Variants in BRWD3 observed in about 807,000 individuals in gnomAD.
BRWD3 encodes bromodomain and WD repeat domain containing 3, also known as bromodomain and WD repeat-containing protein 3.
In BRWD3, 10 loss-of-function variants were observed where a neutral mutation model predicts 149.7. The ratio of observed to expected loss-of-function variants is 0.07; its 90% CI spans 0.04 to 0.11. The LOEUF (loss-of-function observed/expected upper bound fraction) is 0.11, where lower values mean the gene tolerates loss of function less well. Among genes scored for constraint, BRWD3 ranks in the 10% least tolerant of loss-of-function variants. The pLI, the probability that BRWD3 is intolerant of heterozygous loss-of-function variation, is 1.00. For missense variants in BRWD3, 940 were observed against 1,373.2 expected, an observed-to-expected ratio of 0.68 and a Z score of 4.99; for synonymous variants, 504 against 456.7, an observed-to-expected ratio of 1.10 and a Z score of -1.32.
intron 40 of BRWD3, among the ~76,000 whole-genome samples, chrX:80,680,911 G>A (rs914615178): frequency 9.3e-6 from 1 of 107,160 alleles, no homozygotes; most frequent in Non-Finnish European, 1.9e-5. Context: ...TGGCTAAAGC[G>A]CTCCTCCCAC....
In BRWD3 at chrX:80,716,245, T is replaced by A; in HGVS notation, c.2237A>T (p.Gln746Leu). The A allele has an allele frequency of 8.4e-7, 1 of 1,194,413 alleles. No homozygotes were observed. Among genetic ancestry groups the A allele is most frequent in the Non-Finnish European group, 1.1e-6 (1 of 879,850 alleles). The change falls in exon 20 of 41, where the codon CAG (glutamine) becomes CTG (leucine). Residue 746 changes from glutamine (Q) to leucine (L), a missense_variant. Gln to Leu is a moderately radical substitution (Grantham distance 113). Transcript: ENST00000373275. ...NELNNGVSRV[Q>L]EECRTAKGDI... ...ACCTTTTGCAGTTCGACATTCTTCC[T>A]GTACCCTAATAACAAGTCAAAGGTC...
intron 20 of BRWD3, among the ~76,000 whole-genome samples, chrX:80,712,913 C>T (rs2073006971): frequency 1.0e-5 from 1 of 96,090 alleles, no homozygotes; most frequent in Non-Finnish European, 2.3e-5. Flanking sequence ...CTCCGCCCGG[C>T]AGCCGCCCCG....
At chrX:80,808,629 CGGAGG>C in intron 3 of BRWD3, 31 bp from the exon 4 acceptor site, 1 of 1,186,056 alleles carries the variant, frequency 8.4e-7, no homozygotes, top group Non-Finnish European at 1.1e-6. Flanking sequence ...AAGGGGGAAG[CGGAGG>C]CAAATGATGA....
rs776958729 is a variant in BRWD3, at chrX:80,716,182, T to G, written c.2300A>C (p.Lys767Thr). The change falls in exon 20 of 41, where the codon AAA (lysine) becomes ACA (threonine). Residue 767 changes from lysine to threonine, a missense_variant. Physicochemically the swap from Lys to Thr is moderately conservative, Grantham distance 78. Coordinates refer to ENST00000373275, the MANE Select transcript of BRWD3 (RefSeq NM_153252.5). ...EISLYTVEKK[K>T]KPSYTTQRND... ...CCTTTGAGTAGTGTAAGATGGCTTT[T>G]TCTTCTTTTCAACTGTATAAAGACT... 5.0e-6 allele frequency: 6 copies of G among 1,207,310 alleles called. No homozygotes were observed. The highest frequency in any genetic ancestry group is 6.7e-6 in the Non-Finnish European group (6 of 893,053).
intron 4 of BRWD3, among the ~76,000 whole-genome samples, chrX:80,794,751 T>C (rs753479341): frequency 9.0e-6 from 1 of 110,717 alleles, no homozygotes; most frequent in Non-Finnish European, 1.9e-5. Flanking sequence ...TGCTTAGCTG[T>C]TAATCTTATG....
rs2072308116 is a variant in BRWD3, at chrX:80,669,639, G to C, written c.*6970C>G. On this transcript the variant is annotated 3_prime_UTR_variant, in exon 41 of 41. Transcript: ENST00000373275. ...TTTTTTTAAAAGCCAAGGGAGGAGG[G>C]AACACGTTAGCAGTTTCCTTGACTT... Among the ~76,000 whole-genome samples, 1 of 110,707 alleles carries C rather than the reference G, an allele frequency of 9.0e-6. No homozygotes were observed. The highest frequency in any genetic ancestry group is 3.8e-4 in the South Asian group (1 of 2,635).
At chrX:80,789,637 A>G (rs1465012733) in intron 6 of BRWD3, among the ~76,000 whole-genome samples, 1 of 110,353 alleles carries the variant, frequency 9.1e-6, no homozygotes. Context: ...CGGCCTCCCA[A>G]AGTGCTGGGA....
Position 80,677,231 on chromosome X carries a change from T to A in BRWD3, c.4787A>T (p.Lys1596Ile). Residue 1596 changes from lysine to isoleucine, a missense_variant, in exon 41 of 41, where the codon AAA becomes ATA. Transcript: ENST00000373275. ...TGAGGTGGATAAATGAGATTTCTCT[T>A]TTGTTTCTTTTTTCTCTTTATCTTC... is the stretch of plus-strand genomic sequence containing the variant. The part of the protein sequence containing the change: ...GGEDKEKKET[K>I]EKSHLSTSES... 8.3e-7 allele frequency: 1 copy of A among 1,210,108 alleles called. No homozygotes were observed. Among genetic ancestry groups the A allele is most frequent in the East Asian group, 3.0e-5 (1 of 33,787 alleles).
chrX:80,701,099 C>A (rs963982899), intron 24 of BRWD3, among the ~76,000 whole-genome samples: 7 of 111,199 alleles, frequency 6.3e-5, no homozygotes, highest in Non-Finnish European at 1.1e-4. Context: ...AATTTCAAGA[C>A]AAATTAAAAG....
chrX:80,801,991 C>T (rs1444342824), intron 4 of BRWD3, among the ~76,000 whole-genome samples: 1 of 111,960 alleles, frequency 8.9e-6, no homozygotes, highest in Non-Finnish European at 1.9e-5. Flanking sequence ...GTTACACTGG[C>T]ATTCATAAAA....
intron 6 of BRWD3, among the ~76,000 whole-genome samples, chrX:80,747,407 CAA>C (rs1209993130): frequency 9.2e-6 from 1 of 108,902 alleles, no homozygotes; most frequent in African/African-American, 3.3e-5. Flanking sequence ...TCGTGACAAA[CAA>C]AAATATCTCT....
chrX:80,800,223 G>T (rs965056191), intron 4 of BRWD3, among the ~76,000 whole-genome samples: 1 of 104,535 alleles, frequency 9.6e-6, no homozygotes, highest in Admixed American at 1.1e-4. Flanking sequence ...GGTAACTAGT[G>T]CATAATATCT....
chrX:80,793,917 G>T, intron 4 of BRWD3, 145 bp from the exon 5 acceptor site: 2 of 627,995 alleles, frequency 3.2e-6, no homozygotes, highest in Non-Finnish European at 4.9e-6. Context: ...GATGGCTCAC[G>T]CCTGTAATCC....
Position 80,675,215 on chromosome X carries a change from C to G in BRWD3, c.*1394G>C, listed in dbSNP as rs1314935865. ...AAGGGTTTTTAAAGATGTTTTTTAT[C>G]TATAAAATAATGATTCACAACATGA... On this transcript the variant is annotated 3_prime_UTR_variant, in exon 41 of 41. Coordinates refer to ENST00000373275, the MANE Select transcript of BRWD3 (RefSeq NM_153252.5). 2 of 111,712 alleles carry G rather than the reference C, an allele frequency of 1.8e-5. No homozygotes were observed. The highest frequency in any genetic ancestry group is 3.8e-5 in the Non-Finnish European group (2 of 53,062). 9.2% of individuals were successfully genotyped at this position (111,712 alleles called of 1,213,427 possible).
chrX:80,677,884 G>A (rs1358240549), intron 40 of BRWD3, among the ~76,000 whole-genome samples: 1 of 111,693 alleles, frequency 9.0e-6, no homozygotes, highest in Non-Finnish European at 1.9e-5. Context: ...ATGTATTTTA[G>A]ATAGGGAAGA....
In BRWD3 at chrX:80,793,499, C is replaced by T. The variant is rs7054751; in HGVS notation, c.331+123G>A. The T allele has an allele frequency of 0.16, 127,866 of 776,664 alleles. 8,185 individuals are homozygous for T. The highest frequency in any genetic ancestry group is 0.46 in the South Asian group (15,903 of 34,311). 64.0% of individuals were successfully genotyped at this position (776,664 alleles called of 1,213,427 possible). A position where few individuals can be genotyped will look rare whatever the true frequency, so the allele number is the denominator to read the frequency against. ...TACTTGTACACTAAGAAAACAAAAACAACATTGGCAAGATAAGAAAAACTA... is the reference window on the plus strand; with the variant it reads ...TACTTGTACACTAAGAAAACAAAAATAACATTGGCAAGATAAGAAAAACTA... On this transcript the variant is annotated intron_variant, in intron 5 of 40. Coordinates refer to ENST00000373275, the MANE Select transcript of BRWD3 (RefSeq NM_153252.5).
intron 30 of BRWD3, 133 bp downstream of exon 30, chrX:80,691,690 G>A: frequency 1.2e-6 from 1 of 834,006 alleles, no homozygotes; most frequent in Non-Finnish European, 1.7e-6. Context: ...ATTAAAACTA[G>A]AATCACTGTG....
chrX:80,804,188 G>A (rs964349761), intron 4 of BRWD3, among the ~76,000 whole-genome samples: 6 of 110,916 alleles, frequency 5.4e-5, no homozygotes, highest in African/African-American at 6.5e-5. Context: ...ATGAAAATGC[G>A]AAATAAATGT....
chrX:80,778,997 T>A (rs957193498), intron 6 of BRWD3, among the ~76,000 whole-genome samples: 1 of 109,588 alleles, frequency 9.1e-6, no homozygotes, highest in African/African-American at 3.3e-5. Context: ...AGACTCCATC[T>A]CAAAAACAAA....
Sources: gnomAD v4.1 joint callset for allele counts (sites outside exome capture counted in the v4.1 genomes callset) on GRCh38, gnomAD v4.1.1 for gene constraint, MANE v1.5 for transcripts, NCBI Gene and HGNC (gene_info 2026-07-23, HGNC 2026-07-21) for gene names.